The following CASTOR2 variants were observed in gnomAD, a reference collection of about 807,000 sequenced individuals.
CASTOR2 encodes cytosolic arginine sensor for mTORC1 subunit 2.
Under a neutral mutation model 31.2 loss-of-function variants are expected in CASTOR2, and 8 were observed. That is an observed-to-expected ratio of 0.26 (90% CI 0.15 to 0.46). The LOEUF (loss-of-function observed/expected upper bound fraction) is 0.46. Among genes scored for constraint, CASTOR2 ranks in the 20% least tolerant of loss-of-function variants. The pLI is 0.99. For synonymous variants in CASTOR2, 162 were observed against 158.7 expected, an observed-to-expected ratio of 1.02 and a Z score of -0.16; for missense variants, 216 against 382.1, an observed-to-expected ratio of 0.57 and a Z score of 3.62.
chr7:75,004,452 CTT>C (rs1192035620), intron 1 of CASTOR2, among the ~76,000 whole-genome samples: 1 of 136,252 alleles, frequency 7.3e-6, no homozygotes, highest in African/African-American at 2.8e-5. Context: ...CTAGCACAGG[CTT>C]TTTTTTTTTT....
intron 2 of CASTOR2, among the ~76,000 whole-genome samples, chr7:75,012,606 C>A (rs1348156942): frequency 1.3e-5 from 2 of 151,554 alleles, no homozygotes; most frequent in Non-Finnish European, 2.9e-5. Flanking sequence ...TGCACCTAGC[C>A]CACTGGCTAG....
intron 1 of CASTOR2, among the ~76,000 whole-genome samples, chr7:74,974,483 A>T (rs1233177431): frequency 6.7e-6 from 1 of 150,356 alleles, no homozygotes; most frequent in South Asian, 2.1e-4. Context: ...GTCTGGGAGG[A>T]TGGAGGGACA....
chr7:74,987,944 G>A (rs1218049011), intron 1 of CASTOR2, among the ~76,000 whole-genome samples: 1 of 151,652 alleles, frequency 6.6e-6, no homozygotes. Flanking sequence ...TTGACCTCAA[G>A]TGATACACCC....
At chr7:75,005,186 A>G (rs1804580411) in intron 1 of CASTOR2, among the ~76,000 whole-genome samples, 1 of 152,140 alleles carries the variant, frequency 6.6e-6, no homozygotes, top group African/African-American at 2.4e-5. Context: ...GTGAATTTAT[A>G]TGATCTTGTA....
rs1554440012 is a variant in CASTOR2, at chr7:75,017,960, GCA to G, written c.379-24_379-23del. On this transcript the variant is annotated intron_variant, in intron 3 of 8. Coordinates refer to ENST00000616305, the MANE Select transcript of CASTOR2 (RefSeq NM_001145064.3). Reference sequence around the variant, plus strand: ...GACCCACATCCCCCAGGGCCACCAGGCACACACGGCCTCAACTTCTTGCCCCT... The same window carrying G: ...GACCCACATCCCCCAGGGCCACCAGGCACACGGCCTCAACTTCTTGCCCCT... The G allele has an allele frequency of 5.0e-6, 8 of 1,614,150 alleles. No homozygotes were observed. The South Asian group carries it at 8.8e-5, about 18-fold the overall frequency.
At chr7:75,015,197 G>A (rs1269336229) in intron 2 of CASTOR2, among the ~76,000 whole-genome samples, 1 of 152,226 alleles carries the variant, frequency 6.6e-6, no homozygotes. Context: ...GCAGAGCCCA[G>A]CTCGTCTTTC....
chr7:74,993,456 T>C (rs1423995361), intron 1 of CASTOR2, among the ~76,000 whole-genome samples: 6 of 145,594 alleles, frequency 4.1e-5, no homozygotes, highest in African/African-American at 1.5e-4. Context: ...TTTTTTTTTT[T>C]TTTTTTTTTT....
Position 75,018,044 on chromosome 7 carries a change from A to G in CASTOR2, c.433A>G (p.Ile145Val). 4.3e-6 allele frequency: 7 copies of G among 1,614,168 alleles called. No homozygotes were observed. Among genetic ancestry groups the G allele is most frequent in the Non-Finnish European group, 5.1e-6 (6 of 1,180,024 alleles). The part of the protein sequence containing the change: ...VTHTLSSEFT[I>V]LRVVNGETVA... ...CCACACATTGTCATCAGAGTTCACC[A>G]TCCTGCGGGTCGTCAATGGCGAGAC... is the stretch of plus-strand genomic sequence containing the variant. The change falls in exon 4 of 9, where the codon ATC (isoleucine) becomes GTC (valine). Residue 145 changes from isoleucine (I) to valine (V), a missense_variant. Physicochemically the swap from Ile to Val is conservative, Grantham distance 29. This residue lies in a region of CASTOR2 where 114 missense variants were observed against 194.2 expected (regional missense o/e 0.59). Transcript: ENST00000616305.
Position 75,029,431 on chromosome 7 carries a change from C to T in CASTOR2, c.*4732C>T, listed in dbSNP as rs1432159396. 6.7e-6 allele frequency among the ~76,000 whole-genome samples: 1 copy of T among 149,698 alleles called. No individual in the cohort carries two copies. Among genetic ancestry groups the T allele is most frequent in the Non-Finnish European group, 1.5e-5 (1 of 67,708 alleles). ...CGATCTCGGTTCGCTGCAACCTCTG[C>T]TTCCCAGGTTCAAGTGATTCTCCTG... On this transcript the variant is annotated 3_prime_UTR_variant, in exon 9 of 9. Transcript: ENST00000616305.
rs971646308 is a variant in CASTOR2 at position 75,026,822 on chromosome 7, C to A, written c.*2123C>A. Among the ~76,000 whole-genome samples the A allele has an allele frequency of 1.3e-5, 2 of 152,162 alleles. No homozygotes were observed. Among genetic ancestry groups the A allele is most frequent in the Non-Finnish European group, 2.9e-5 (2 of 68,036 alleles). On this transcript the variant is annotated 3_prime_UTR_variant, in exon 9 of 9. Coordinates refer to ENST00000616305, the MANE Select transcript of CASTOR2 (RefSeq NM_001145064.3). ...GCCTTGATTTTCCTTTCTGTCATTTCCCCCTGACGGTGTCACTTCTCTGCC... is the reference window on the plus strand; with the variant it reads ...GCCTTGATTTTCCTTTCTGTCATTTACCCCTGACGGTGTCACTTCTCTGCC...
chr7:75,020,013 C>T, intron 5 of CASTOR2, 26 bp from the exon 6 acceptor site: 1 of 1,550,252 alleles, frequency 6.5e-7, no homozygotes, highest in South Asian at 1.2e-5. Flanking sequence ...GGGGCCCCAT[C>T]TTTACCAGCT....
rs1434098395 is a variant in CASTOR2, at chr7:75,023,498, G to A, written c.830-942G>A. ...TTTTGTTTTTTTTTTTTTTGAGACC[G>A]GATCTTGCTCTGTTGCCCAGGCTGA... is the stretch of plus-strand genomic sequence containing the variant. On this transcript the variant is annotated intron_variant, in intron 7 of 8. Coordinates refer to ENST00000616305, the MANE Select transcript of CASTOR2 (RefSeq NM_001145064.3). Among the ~76,000 whole-genome samples, 59 of 142,672 alleles carry A rather than the reference G, an allele frequency of 4.1e-4. No individual in the cohort carries two copies. The East Asian group carries it at 4.4e-3, about 11-fold the overall frequency. The allele number at this position is 142,672 out of a possible 152,430, so 93.6% of individuals were successfully genotyped here. A position where few individuals can be genotyped will look rare whatever the true frequency, so the allele number is the denominator to read the frequency against.
intron 1 of CASTOR2, among the ~76,000 whole-genome samples, chr7:74,994,761 A>AT (rs1339302665): frequency 2.6e-5 from 4 of 152,060 alleles, no homozygotes; most frequent in African/African-American, 9.7e-5. Flanking sequence ...AAAAAAAAAA[A>AT]AAGAATCAAC....
At chr7:74,990,370 G>A (rs1415845079) in intron 1 of CASTOR2, among the ~76,000 whole-genome samples, 2 of 136,554 alleles carry the variant, frequency 1.5e-5, no homozygotes, top group African/African-American at 2.6e-5. Context: ...CCTGGATGGC[G>A]AGACTCTATC....
rs1173677319 is a variant in CASTOR2 at position 75,022,038 on chromosome 7, G to A, written c.829+82G>A. On this transcript the variant is annotated intron_variant, in intron 7 of 8. Coordinates refer to ENST00000616305, the MANE Select transcript of CASTOR2 (RefSeq NM_001145064.3). ...TCACATACGTTGTCCGCAGTGACTC[G>A]GCCCCTGCTGGGGGGTACAGATGGG... 8 of 1,492,424 alleles carry A rather than the reference G, an allele frequency of 5.4e-6. No homozygotes were observed. The East Asian group carries it at 9.8e-5, about 18-fold the overall frequency. 92.4% of individuals were successfully genotyped at this position (1,492,424 alleles called of 1,614,324 possible).
In CASTOR2 at chr7:74,978,104, A is replaced by ATTT. The variant is rs4029892; in HGVS notation, c.113+13022_113+13024dup. Among the ~76,000 whole-genome samples the ATTT allele has an allele frequency of 3.5e-4, 48 of 137,040 alleles. 1 individual carries two copies. Among genetic ancestry groups the ATTT allele is most frequent in the South Asian group, 2.3e-4 (1 of 4,348 alleles). 89.9% of individuals were successfully genotyped at this position (137,040 alleles called of 152,430 possible). A position where few individuals can be genotyped will look rare whatever the true frequency, so the allele number is the denominator to read the frequency against. ...CCTGAGGTTTTGCTTGCACACCCCA[A>ATTT]TTTTTTTTTTTTTTTTTTGGAGACA... is the stretch of plus-strand genomic sequence containing the variant. On this transcript the variant is annotated intron_variant, in intron 1 of 8. Transcript: ENST00000616305.
chr7:75,003,713 G>A (rs1336531903), intron 1 of CASTOR2, among the ~76,000 whole-genome samples: 23 of 151,988 alleles, frequency 1.5e-4, no homozygotes, highest in African/African-American at 4.1e-4. Flanking sequence ...TTGCGCCACT[G>A]CACTCAGCCT....
chr7:75,027,878 C>A lies in CASTOR2; in HGVS notation c.*3179C>A. The A allele has an allele frequency of 1.2e-6, 1 of 865,900 alleles. No individual in the cohort carries two copies. The highest frequency in any genetic ancestry group is 1.8e-6 in the Non-Finnish European group (1 of 540,992). The allele number at this position is 865,900 out of a possible 1,614,324, so 53.6% of individuals were successfully genotyped here. A position where few individuals can be genotyped will look rare whatever the true frequency, so the allele number is the denominator to read the frequency against. ...GTGGTTTTTCCCAGGCAGGGGCCGT[C>A]TGCCCTTGTCCCCCAGCTATCTCCT... On this transcript the variant is annotated 3_prime_UTR_variant, in exon 9 of 9. Transcript: ENST00000616305.
At chr7:74,985,042 C>T (rs1212861928) in intron 1 of CASTOR2, among the ~76,000 whole-genome samples, 1 of 152,122 alleles carries the variant, frequency 6.6e-6, no homozygotes, top group Non-Finnish European at 1.5e-5. Flanking sequence ...GAGGCTGAGA[C>T]ATAAGAATCA....
Sources: gnomAD v4.1 joint callset for allele counts (sites outside exome capture counted in the v4.1 genomes callset) on GRCh38, gnomAD v4.1.1 for gene constraint, gnomAD v4.1.1 regional missense constraint, MANE v1.5 for transcripts, NCBI Gene and HGNC (gene_info 2026-07-23, HGNC 2026-07-21) for gene names.